ATP8B4: variants seen among roughly 807,000 people sequenced by gnomAD.
ATP8B4 encodes ATPase phospholipid transporting 8B4 (putative), also known as probable phospholipid-transporting ATPase IM.
A neutral mutation model predicts 145.6 loss-of-function variants in ATP8B4; 133 were observed. The ratio of observed to expected loss-of-function variants is 0.91; its 90% confidence interval spans 0.79 to 1.05. The LOEUF (loss-of-function observed/expected upper bound fraction) is 1.05. Ranked by LOEUF, ATP8B4 falls within the 50% of genes least tolerant of loss-of-function variation. ATP8B4 has a pLI of 0.00. For missense variants in ATP8B4, 1,458 were observed against 1,425.2 expected (o/e 1.02, Z -0.37); for synonymous variants, 507 against 492.9 (o/e 1.03, Z -0.38).
intron 7 of ATP8B4, among the ~76,000 whole-genome samples, chr15:50,007,810 A>C (rs752835621): frequency 9.2e-5 from 14 of 152,144 alleles, no homozygotes; most frequent in Admixed American, 2.6e-4. Flanking sequence ...TTCACCAAAA[A>C]AAAAATTGTC....
At chr15:50,047,282 A>C in intron 4 of ATP8B4, 69 bp downstream of exon 4, 1 of 965,192 alleles carries the variant, frequency 1.0e-6, no homozygotes, top group Non-Finnish European at 1.6e-6. Context: ...AAGTAAATTG[A>C]CTTACTTTTT....
In ATP8B4 at chr15:50,049,238, C is replaced by T. The variant is rs2153610927; in HGVS notation, c.88-1774G>A. Among the ~76,000 whole-genome samples the T allele has an allele frequency of 2.0e-5, 3 of 152,300 alleles. No individual in the cohort carries two copies. The South Asian group carries it at 6.2e-4, about 32-fold the overall frequency. On this transcript the variant is annotated intron_variant, in intron 3 of 27. Coordinates refer to ENST00000284509, the MANE Select transcript of ATP8B4 (RefSeq NM_024837.4). The stretch of plus-strand genomic sequence containing the variant: ...CCAAGTTAGACAAGAGCTGGGACAT[C>T]CACTCTCCCTAGTAACAAGCATAGT...
At chr15:50,072,780 C>G (rs909050361) in intron 3 of ATP8B4, among the ~76,000 whole-genome samples, 4 of 151,036 alleles carry the variant, frequency 2.6e-5, no homozygotes, top group Non-Finnish European at 5.9e-5. Flanking sequence ...CGCCCACCAT[C>G]ATGCCTAACT....
In ATP8B4 at chr15:49,860,427, G is replaced by A. The variant is rs147671341; in HGVS notation, c.3346C>T (p.Arg1116Ter). 3.1e-6 allele frequency: 5 copies of A among 1,613,728 alleles called. No homozygotes were observed. The highest frequency in any genetic ancestry group is 1.3e-5 in the African/African-American group (1 of 74,886). The change falls in exon 28 of 28, where the codon CGA (arginine) becomes TGA (stop). Residue 1116 changes from arginine (R) to a stop codon, truncating the protein, a stop_gained. Transcript: ENST00000284509. LOFTEE classifies it high-confidence loss of function. Reference sequence around the variant, plus strand: ...CTTGACCTGCGGGTCCGAGGCCTTCGGCTACTTGGAGGCCTTGCCTTCTTT... The same window carrying A: ...CTTGACCTGCGGGTCCGAGGCCTTCAGCTACTTGGAGGCCTTGCCTTCTTT... ...AQKKARPPSS[R>*]RPRTRRSSSR...
At chr15:50,027,035 T>C (rs2050058829) in intron 6 of ATP8B4, among the ~76,000 whole-genome samples, 1 of 152,136 alleles carries the variant, frequency 6.6e-6, no homozygotes, top group Non-Finnish European at 1.5e-5. Context: ...CCCCACCCTC[T>C]CACCCCACCA....
chr15:50,152,693 C>A (rs2044362803), intron 1 of ATP8B4, among the ~76,000 whole-genome samples: 1 of 152,172 alleles, frequency 6.6e-6, no homozygotes, highest in Non-Finnish European at 1.5e-5. Flanking sequence ...CAAAGAGAAT[C>A]ACAGGTCACT....
At chr15:49,871,006 T>C (rs2033592869) in intron 25 of ATP8B4, among the ~76,000 whole-genome samples, 1 of 152,252 alleles carries the variant, frequency 6.6e-6, no homozygotes, top group African/African-American at 2.4e-5. Context: ...GAATTCCCTG[T>C]ACTTACTATG....
At chr15:50,113,838 C>CAA (rs67648465) in intron 1 of ATP8B4, among the ~76,000 whole-genome samples, 3 of 67,270 alleles carry the variant, frequency 4.5e-5, no homozygotes, top group African/African-American at 1.3e-4. Flanking sequence ...AACTCCATCT[C>CAA]AAAAAAAAAA....
chr15:50,071,959 C>A (rs763603180), intron 3 of ATP8B4, among the ~76,000 whole-genome samples: 4 of 151,932 alleles, frequency 2.6e-5, no homozygotes, highest in Non-Finnish European at 4.4e-5. Flanking sequence ...ATTATAATCA[C>A]AAGTTTGCAT....
intron 3 of ATP8B4, among the ~76,000 whole-genome samples, chr15:50,055,927 C>T (rs922082267): frequency 4.6e-5 from 7 of 152,226 alleles, no homozygotes; most frequent in African/African-American, 1.7e-4. Context: ...AGGAAGAACC[C>T]CTGGTAGTTC....
At chr15:50,019,361 C>T (rs984978522) in intron 6 of ATP8B4, among the ~76,000 whole-genome samples, 1 of 152,180 alleles carries the variant, frequency 6.6e-6, no homozygotes, top group African/African-American at 2.4e-5. Flanking sequence ...AAAACCGGCT[C>T]TTATCAACCC....
chr15:49,883,279 G>C (rs1003116679), intron 23 of ATP8B4: 3 of 152,110 alleles, frequency 2.0e-5, no homozygotes, highest in African/African-American at 7.2e-5. Context: ...ACAGCTGAAA[G>C]TCTGGCATAG....
chr15:50,164,042 G>A (rs957723160), intron 1 of ATP8B4, among the ~76,000 whole-genome samples: 3 of 152,132 alleles, frequency 2.0e-5, no homozygotes, highest in African/African-American at 4.8e-5. Context: ...CTCCCCTGTG[G>A]CCCAGGGCAG....
intron 1 of ATP8B4, among the ~76,000 whole-genome samples, chr15:50,143,822 G>A (rs1487836664): frequency 1.3e-5 from 2 of 152,170 alleles, no homozygotes; most frequent in African/African-American, 4.8e-5. Flanking sequence ...GTCTGATTTG[G>A]CTAAAGTGAA....
chr15:50,053,504 G>C (rs1052112329), intron 3 of ATP8B4, among the ~76,000 whole-genome samples: 2 of 152,182 alleles, frequency 1.3e-5, no homozygotes, highest in African/African-American at 4.8e-5. Flanking sequence ...CTCCTCTCTA[G>C]TCAAGCCCTT....
intron 6 of ATP8B4, among the ~76,000 whole-genome samples, chr15:50,029,240 A>AAAAAAAAAAAAAAAAAAC (rs2050242945): frequency 6.8e-6 from 1 of 146,910 alleles, no homozygotes; most frequent in African/African-American, 2.6e-5. Flanking sequence ...CTCCATCTTA[A>AAAAAAAAAAAAAAAAAAC]AAAAAAAAAA....
chr15:50,160,467 C>T (rs184487383), intron 1 of ATP8B4, among the ~76,000 whole-genome samples: 1 of 147,256 alleles, frequency 6.8e-6, no homozygotes, highest in Non-Finnish European at 1.5e-5. Context: ...TAAGGTGTAT[C>T]GTTAAGTTGT....
intron 18 of ATP8B4, among the ~76,000 whole-genome samples, chr15:49,919,659 C>T (rs768916366): frequency 6.6e-6 from 1 of 152,100 alleles, no homozygotes; most frequent in African/African-American, 2.4e-5. Flanking sequence ...CCTCGTGATC[C>T]GCCCACCTCG....
At chr15:50,179,917 A>C (rs776401795) in intron 1 of ATP8B4, among the ~76,000 whole-genome samples, 1 of 152,344 alleles carries the variant, frequency 6.6e-6, no homozygotes. Context: ...CTCGTGATAA[A>C]GCAAGAGCTG....
Sources: gnomAD v4.1 joint callset for allele counts (sites outside exome capture counted in the v4.1 genomes callset) on GRCh38, gnomAD v4.1.1 for gene constraint, MANE v1.5 for transcripts, NCBI Gene and HGNC (gene_info 2026-07-23, HGNC 2026-07-21) for gene names.